The following AKNAD1 variants were observed in gnomAD, a reference collection of about 807,000 sequenced individuals.
AKNAD1 encodes the protein protein AKNAD1.
AKNAD1 carries 67 observed loss-of-function variants against 90.8 expected under a neutral mutation model. The observed-to-expected ratio is 0.74, with a 90% CI of 0.61 to 0.90. The LOEUF is 0.90. AKNAD1 is among the 40% of genes least tolerant of loss of function. The pLI is 0.00. For missense variants in AKNAD1, 957 were observed against 975.4 expected, an observed-to-expected ratio of 0.98 and a Z score of 0.25; for synonymous variants, 327 against 341.4, an observed-to-expected ratio of 0.96 and a Z score of 0.46.
Position 108,848,819 on chromosome 1 carries a change from A to C in AKNAD1, c.1183-5T>G. 6.2e-7 allele frequency: 1 copy of C among 1,610,432 alleles called. No individual in the cohort carries two copies. Among genetic ancestry groups the C allele is most frequent in the Non-Finnish European group, 8.5e-7 (1 of 1,179,142 alleles). ...TCTTTTGGAAAATTCTTGTACCTGC[A>C]GTGAAAAAATTACAATCTCTCATTA... On this transcript the variant is annotated splice_polypyrimidine_tract_variant and splice_region_variant and intron_variant, in intron 4 of 15. Transcript: ENST00000370001.
intron 14 of AKNAD1, among the ~76,000 whole-genome samples, chr1:108,819,514 G>T (rs1346434272): frequency 6.6e-6 from 1 of 151,486 alleles, no homozygotes; most frequent in East Asian, 1.9e-4. Flanking sequence ...CAGCTACCCA[G>T]GAAGCTGTGC....
chr1:108,852,853 T>G (rs1029944966), intron 1 of AKNAD1, 86 bp from the exon 2 acceptor site: 1 of 483,310 alleles, frequency 2.1e-6, no homozygotes, highest in South Asian at 8.5e-5. Context: ...GTTTTTTTAA[T>G]TTGAAAAATT....
chr1:108,841,405 A>G (rs745541999), intron 6 of AKNAD1, among the ~76,000 whole-genome samples: 13 of 151,916 alleles, frequency 8.6e-5, no homozygotes, highest in Non-Finnish European at 1.8e-4. Context: ...TTATGCTGAG[A>G]CTCTCAGGGA....
chr1:108,839,727 A>G (rs1364298430), intron 6 of AKNAD1, among the ~76,000 whole-genome samples: 3 of 152,218 alleles, frequency 2.0e-5, no homozygotes, highest in African/African-American at 7.2e-5. Context: ...TATTAGTAAC[A>G]TGACAAGAAT....
At chr1:108,850,513 G>T (rs1664818727) in intron 2 of AKNAD1, among the ~76,000 whole-genome samples, 13 of 152,168 alleles carry the variant, frequency 8.5e-5, no homozygotes, top group Admixed American at 8.5e-4. Context: ...GACCTAGAGA[G>T]CATCCCAGTC....
At chr1:108,843,058 A>C (rs562110639) in intron 6 of AKNAD1, 76 bp downstream of exon 6, 6 of 1,556,940 alleles carry the variant, frequency 3.9e-6, no homozygotes, top group Non-Finnish European at 5.2e-6. Flanking sequence ...GCACTAAGCC[A>C]GCAGCCACAT....
chr1:108,823,075 T>C lies in AKNAD1; in HGVS notation c.2167+295A>G, dbSNP rs1393674999. On this transcript the variant is annotated intron_variant, in intron 13 of 15. Transcript: ENST00000370001. ...ATAGTAGTGATTATCCAGTAAGTCA[T>C]TTATTTGTTCAGCAAACATTTATGG... is the stretch of plus-strand genomic sequence containing the variant. 10 of 645,242 alleles carry C rather than the reference T, an allele frequency of 1.5e-5. No homozygotes were observed. The East Asian group carries it at 2.7e-4, about 18-fold the overall frequency. The allele number at this position is 645,242 out of a possible 1,614,324, so 40.0% of individuals were successfully genotyped here.
intron 6 of AKNAD1, among the ~76,000 whole-genome samples, chr1:108,841,282 G>C (rs1005881097): frequency 6.6e-6 from 1 of 152,114 alleles, no homozygotes; most frequent in Non-Finnish European, 1.5e-5. Flanking sequence ...TGGCTAGAGA[G>C]GTTGGAGAGC....
intron 6 of AKNAD1, among the ~76,000 whole-genome samples, chr1:108,838,104 TTTAA>T (rs1664438257): frequency 6.6e-6 from 1 of 152,188 alleles, no homozygotes; most frequent in Non-Finnish European, 1.5e-5. Context: ...ATCTGAATAA[TTTAA>T]TTAACAAGTT....
intron 14 of AKNAD1, among the ~76,000 whole-genome samples, chr1:108,817,663 G>T (rs539993381): frequency 6.5e-4 from 99 of 151,234 alleles, no homozygotes; most frequent in South Asian, 3.8e-3. Context: ...CACCACGCCC[G>T]GCTAATTTTT....
rs1664428360 is a variant in AKNAD1, at chr1:108,837,717, A to G, written c.1380-11T>C. On this transcript the variant is annotated splice_polypyrimidine_tract_variant and intron_variant, in intron 6 of 15. Transcript: ENST00000370001. ...TCACCTTCCACTTTTCTAAGTAAAC[A>G]TAAACACACAGGCATCTTCTGGGCT... is the stretch of plus-strand genomic sequence containing the variant. The G allele has an allele frequency of 1.2e-6, 2 of 1,613,820 alleles. No individual in the cohort carries two copies. The highest frequency in any genetic ancestry group is 1.7e-6 in the Non-Finnish European group (2 of 1,179,878).
chr1:108,827,638 C>T (rs991804548), intron 10 of AKNAD1, among the ~76,000 whole-genome samples: 1 of 150,330 alleles, frequency 6.7e-6, no homozygotes, highest in African/African-American at 2.4e-5. Flanking sequence ...CACGGTGAAA[C>T]CCTGTCTCTA....
chr1:108,829,715 C>A (rs1283839476), intron 10 of AKNAD1, among the ~76,000 whole-genome samples: 3 of 152,186 alleles, frequency 2.0e-5, no homozygotes, highest in Non-Finnish European at 4.4e-5. Context: ...AAGCCTCAGT[C>A]TTTCAGACCC....
chr1:108,828,622 A>T (rs562570582), intron 10 of AKNAD1, among the ~76,000 whole-genome samples: 11 of 151,724 alleles, frequency 7.3e-5, no homozygotes, highest in African/African-American at 2.4e-4. Flanking sequence ...GTTGGCGGAG[A>T]AGGGATGGGG....
rs899231028 is a variant in AKNAD1 at position 108,848,626 on chromosome 1, T to C, written c.1245+126A>G. On this transcript the variant is annotated intron_variant, in intron 5 of 15. Coordinates refer to ENST00000370001, the MANE Select transcript of AKNAD1 (RefSeq NM_152763.5). ...TTTTAGCCCCCATAAACAAAGATGG[T>C]TTAATCTTTAGCAAAACATTTCCAC... The C allele has an allele frequency of 3.6e-6, 3 of 837,970 alleles. No homozygotes were observed. In the African/African-American group the frequency reaches 5.1e-5, roughly 14 times the overall value. The allele number at this position is 837,970 out of a possible 1,614,324, so 51.9% of individuals were successfully genotyped here.
chr1:108,853,342 A>G (rs1664928611), intron 1 of AKNAD1, among the ~76,000 whole-genome samples: 1 of 151,776 alleles, frequency 6.6e-6, no homozygotes, highest in Non-Finnish European at 1.5e-5. Context: ...CATATTAGCC[A>G]GGATGGTCTT....
chr1:108,821,782 G>A (rs1251219198), intron 13 of AKNAD1, among the ~76,000 whole-genome samples: 1 of 152,218 alleles, frequency 6.6e-6, no homozygotes, highest in East Asian at 1.9e-4. Context: ...GAAAAAAGAC[G>A]AGTCAGTGGC....
rs1386750700 is a variant in AKNAD1, at chr1:108,817,056, T to G, written c.2371A>C (p.Lys791Gln). The G allele has an allele frequency of 2.5e-6, 4 of 1,614,036 alleles. No homozygotes were observed. The highest frequency in any genetic ancestry group is 3.4e-6 in the Non-Finnish European group (4 of 1,179,952). Reference sequence around the variant, plus strand: ...ATTTTCTAAGTCCTCACCTCAGATTTTATTTCTTCAGTGCTATCAAAGTCA... The same window carrying G: ...ATTTTCTAAGTCCTCACCTCAGATTGTATTTCTTCAGTGCTATCAAAGTCA... ...LCDFDSTEEI[K>Q]SEILNSALDH... The change falls in exon 15 of 16, where the codon AAA becomes CAA. Residue 791 changes from lysine (K) to glutamine (Q), a missense_variant. Coordinates refer to ENST00000370001, the MANE Select transcript of AKNAD1 (RefSeq NM_152763.5).
chr1:108,827,575 G>A (rs1387704528), intron 10 of AKNAD1, among the ~76,000 whole-genome samples: 1 of 151,414 alleles, frequency 6.6e-6, no homozygotes, highest in Non-Finnish European at 1.5e-5. Context: ...AGCACTTTGG[G>A]AGGCTGAGGC....
Sources: allele counts gnomAD v4.1 joint callset (sites outside exome capture counted in the v4.1 genomes callset), GRCh38; gene constraint gnomAD v4.1.1; transcripts MANE v1.5; gene names NCBI Gene and HGNC (gene_info 2026-07-23, HGNC 2026-07-21).